The following REV3L variants were observed in gnomAD, a reference collection of about 807,000 sequenced individuals.
The protein encoded by REV3L is REV3 like, DNA directed polymerase zeta catalytic subunit, also known as DNA polymerase zeta catalytic subunit.
In REV3L, 69 loss-of-function variants were observed where a neutral mutation model predicts 299.4. That is an observed-to-expected ratio of 0.23 (90% CI 0.19 to 0.28). REV3L has a LOEUF of 0.28. Ranked by LOEUF, REV3L falls within the 10% of genes least tolerant of loss-of-function variation. The probability of loss-of-function intolerance (pLI) is 1.00; values close to 1 mark genes in which losing one functional copy is unlikely to be tolerated. For missense variants in REV3L, 3,128 were observed against 3,693.8 expected (o/e 0.85, Z 3.97); for synonymous variants, 1,238 against 1,271.4 (o/e 0.97, Z 0.56).
chr6:111,317,120 G>T (rs978728665), intron 26 of REV3L, among the ~76,000 whole-genome samples: 1 of 152,032 alleles, frequency 6.6e-6, no homozygotes, highest in Admixed American at 6.6e-5. Flanking sequence ...CTTGAAACAT[G>T]ACTTTAAGAT....
At chr6:111,476,576 G>A (rs1453346726) in intron 1 of REV3L, among the ~76,000 whole-genome samples, 4 of 152,174 alleles carry the variant, frequency 2.6e-5, no homozygotes, top group Admixed American at 1.3e-4. Context: ...TGGAGTTTTA[G>A]ATAAGGGATG....
intron 16 of REV3L, among the ~76,000 whole-genome samples, chr6:111,360,227 TA>T (rs1778507091): frequency 6.6e-6 from 1 of 152,074 alleles, no homozygotes; most frequent in Non-Finnish European, 1.5e-5. Flanking sequence ...ATCACTATAA[TA>T]CACTGATACA....
chr6:111,404,330 T>G (rs143137959), intron 4 of REV3L, among the ~76,000 whole-genome samples: 2 of 152,292 alleles, frequency 1.3e-5, no homozygotes, highest in Non-Finnish European at 1.5e-5. Context: ...GAAAAAAGAT[T>G]CCTTTCAAAC....
At position 111,374,751 on chromosome 6, in the gene REV3L, C is replaced by T. The variant is rs61756663; in HGVS notation, c.3604G>A (p.Asp1202Asn). 1,226 of 1,612,404 alleles carry T rather than the reference C, an allele frequency of 7.6e-4. No homozygotes were observed. Among genetic ancestry groups the T allele is most frequent in the Non-Finnish European group, 9.0e-4 (1,067 of 1,179,472 alleles). ...GCTCTTGGTTTCTTTTTTCCATCAT[C>T]TACTAGTTTATTTGTCTGATTTCGT... ...NKRNQTNKLV[D>N]DGKKKPRAKQ... The change falls in exon 13 of 32, where the codon GAT becomes AAT. Residue 1202 changes from aspartate to asparagine, a missense_variant. Physicochemically the swap from Asp to Asn is conservative, Grantham distance 23. Around this residue, in one of 9 missense-constraint regions of REV3L, gnomAD observed 2,409 missense variants for 2,611.8 expected, o/e 0.92. Transcript: ENST00000368802.
At chr6:111,347,578 A>G (rs1334055524) in intron 20 of REV3L, among the ~76,000 whole-genome samples, 1 of 152,222 alleles carries the variant, frequency 6.6e-6, no homozygotes, top group Non-Finnish European at 1.5e-5. Flanking sequence ...AGTTTCAAAG[A>G]GCAGAAGCAA....
intron 18 of REV3L, among the ~76,000 whole-genome samples, chr6:111,352,051 G>A (rs1777624831): frequency 6.6e-6 from 1 of 151,494 alleles, no homozygotes; most frequent in African/African-American, 2.4e-5. Context: ...CTGTTGTCCA[G>A]GCTGGATTGC....
intron 4 of REV3L, among the ~76,000 whole-genome samples, chr6:111,395,438 T>G (rs912813034): frequency 6.6e-6 from 1 of 152,232 alleles, no homozygotes; most frequent in East Asian, 1.9e-4. Flanking sequence ...CTTCCTTGGT[T>G]AAATTTATTA....
chr6:111,313,200 T>A (rs1366838720), intron 28 of REV3L, 152 bp downstream of exon 28: 2 of 599,344 alleles, frequency 3.3e-6, no homozygotes, highest in South Asian at 4.3e-5. Flanking sequence ...ACAAATAAAA[T>A]TCTCAAAATT....
At chr6:111,317,581 T>TA (rs1773676705) in intron 26 of REV3L, among the ~76,000 whole-genome samples, 2 of 152,138 alleles carry the variant, frequency 1.3e-5, no homozygotes, top group Non-Finnish European at 2.9e-5. Flanking sequence ...AACCTCCTTG[T>TA]ACTCCTTCAC....
At chr6:111,408,699 T>C (rs1428626762) in intron 3 of REV3L, among the ~76,000 whole-genome samples, 14 of 152,192 alleles carry the variant, frequency 9.2e-5, no homozygotes, top group Non-Finnish European at 1.3e-4. Context: ...GTGGTTTATA[T>C]CTACTGATAT....
intron 30 of REV3L, chr6:111,308,358 C>A: frequency 2.3e-6 from 1 of 429,960 alleles, no homozygotes; most frequent in Non-Finnish European, 4.7e-6. Context: ...GCCTTAGAGC[C>A]AGGATATGTG....
At chr6:111,446,337 A>G (rs1317214054) in intron 1 of REV3L, among the ~76,000 whole-genome samples, 1 of 152,228 alleles carries the variant, frequency 6.6e-6, no homozygotes, top group African/African-American at 2.4e-5. Flanking sequence ...GGTGGTTCCT[A>G]TTAATAATAA....
chr6:111,302,895 C>T (rs564481441), intron 31 of REV3L, among the ~76,000 whole-genome samples: 81 of 152,176 alleles, frequency 5.3e-4, no homozygotes, highest in African/African-American at 1.7e-3. Context: ...AGTGAGACTC[C>T]GTCTCAAAAA....
At chr6:111,352,824 CAGA>C (rs1405663827) in intron 18 of REV3L, among the ~76,000 whole-genome samples, 3 of 152,140 alleles carry the variant, frequency 2.0e-5, no homozygotes, top group Non-Finnish European at 4.4e-5. Flanking sequence ...GCGTCCAATC[CAGA>C]AGGAGCCTCT....
At chr6:111,472,083 A>G in intron 1 of REV3L, 1 of 1,254,312 alleles carries the variant, frequency 8.0e-7, no homozygotes, top group Non-Finnish European at 1.0e-6. Context: ...TAAAACAAAT[A>G]ATATGATGAC....
At chr6:111,377,118 C>T (rs1044864827) in intron 12 of REV3L, among the ~76,000 whole-genome samples, 1 of 152,088 alleles carries the variant, frequency 6.6e-6, no homozygotes, top group African/African-American at 2.4e-5. Context: ...TCTACTTGCA[C>T]AACAAACATT....
chr6:111,435,171 C>A (rs1217849853), intron 1 of REV3L, among the ~76,000 whole-genome samples: 1 of 152,156 alleles, frequency 6.6e-6, no homozygotes, highest in Admixed American at 6.5e-5. Flanking sequence ...AATTGCACCA[C>A]TGTACTCCAG....
chr6:111,452,497 T>TA (rs571397553), intron 1 of REV3L, among the ~76,000 whole-genome samples: 17 of 151,572 alleles, frequency 1.1e-4, no homozygotes, highest in Middle Eastern at 3.4e-3. Flanking sequence ...ATAATGCAAT[T>TA]AAAAAAAAAC....
At chr6:111,461,076 G>T (rs1790714564) in intron 1 of REV3L, among the ~76,000 whole-genome samples, 1 of 152,086 alleles carries the variant, frequency 6.6e-6, no homozygotes, top group African/African-American at 2.4e-5. Flanking sequence ...CATTATTTTA[G>T]AATGTACTCC....
Sources: gnomAD v4.1 joint callset for allele counts (sites outside exome capture counted in the v4.1 genomes callset) on GRCh38, gnomAD v4.1.1 for gene constraint, gnomAD v4.1.1 regional missense constraint, MANE v1.5 for transcripts, NCBI Gene and HGNC (gene_info 2026-07-23, HGNC 2026-07-21) for gene names.